Variants in CSMD1 observed in about 807,000 individuals in gnomAD.
The protein encoded by CSMD1 is CUB and sushi domain-containing protein 1.
A neutral mutation model predicts 417.5 loss-of-function variants in CSMD1; 213 were observed. The observed-to-expected ratio is 0.51, with a 90% confidence interval of 0.46 to 0.57. CSMD1 has a LOEUF of 0.57. CSMD1 is among the 20% of genes least tolerant of loss of function. The probability of loss-of-function intolerance (pLI) is 0.00; values close to 1 mark genes in which losing one functional copy is unlikely to be tolerated. For synonymous variants in CSMD1, 2,862 were observed against 1,736.8 expected (o/e 1.65, Z -16.11); for missense variants, 6,923 against 4,529.7 (o/e 1.53, Z -15.17).
At chr8:3,983,233 C>G (rs1206622090) in intron 5 of CSMD1, among the ~76,000 whole-genome samples, 4 of 151,656 alleles carry the variant, frequency 2.6e-5, no homozygotes, top group African/African-American at 4.9e-5. Context: ...CGGGTTCACG[C>G]CATTCTCCTG....
chr8:3,666,539 G>C (rs2623619), intron 7 of CSMD1, among the ~76,000 whole-genome samples: 115,301 of 152,048 alleles, frequency 0.76, 44,291 homozygotes, highest in African/African-American at 0.86. Flanking sequence ...TTTGAAAGCT[G>C]CCTGATATGG....
chr8:4,511,827 T>C (rs926975252), intron 2 of CSMD1, among the ~76,000 whole-genome samples: 1 of 152,180 alleles, frequency 6.6e-6, no homozygotes, highest in Non-Finnish European at 1.5e-5. Context: ...TTTTACTTCC[T>C]GGAGCTTCAC....
At chr8:4,048,425 A>G (rs1798259709) in intron 3 of CSMD1, among the ~76,000 whole-genome samples, 1 of 152,208 alleles carries the variant, frequency 6.6e-6, no homozygotes, top group African/African-American at 2.4e-5. Context: ...CAATTTATGA[A>G]CATGAACTCT....
chr8:4,694,362 A>G (rs955331999), intron 1 of CSMD1, among the ~76,000 whole-genome samples: 2 of 151,266 alleles, frequency 1.3e-5, no homozygotes, highest in Non-Finnish European at 2.9e-5. Context: ...TATTTTTTTT[A>G]TTTTTTTGAG....
rs73503849 is a variant in CSMD1, at chr8:4,864,279, A to G, written c.85+130053T>C. On this transcript the variant is annotated intron_variant, in intron 1 of 69. Coordinates refer to ENST00000635120, the MANE Select transcript of CSMD1 (RefSeq NM_033225.6). ...GAGAAATACATACCTACACACACAA[A>G]GACACACACACACAAATTTAGAACT... 4.1e-3 allele frequency among the ~76,000 whole-genome samples: 617 copies of G among 152,072 alleles called. 6 individuals carry two copies. The highest frequency in any genetic ancestry group is 0.014 in the African/African-American group (596 of 41,462).
intron 1 of CSMD1, among the ~76,000 whole-genome samples, chr8:4,816,427 C>G (rs988030124): frequency 6.6e-6 from 1 of 151,946 alleles, no homozygotes; most frequent in African/African-American, 2.4e-5. Flanking sequence ...GGCGGTTCAC[C>G]ATGTTGGCCA....
At chr8:3,873,251 G>A (rs1805601908) in intron 5 of CSMD1, among the ~76,000 whole-genome samples, 2 of 151,948 alleles carry the variant, frequency 1.3e-5, no homozygotes, top group South Asian at 2.1e-4. Flanking sequence ...GACACATGCA[G>A]GTGTATGTTC....
chr8:3,278,113 G>T (rs1418314821), intron 26 of CSMD1, among the ~76,000 whole-genome samples: 2 of 152,112 alleles, frequency 1.3e-5, no homozygotes, highest in African/African-American at 4.8e-5. Flanking sequence ...CAGCCAAAGA[G>T]CCAATGATAG....
intron 5 of CSMD1, among the ~76,000 whole-genome samples, chr8:3,867,938 A>G (rs1216207159): frequency 6.6e-6 from 1 of 151,982 alleles, no homozygotes; most frequent in Non-Finnish European, 1.5e-5. Flanking sequence ...CCTTACAGCC[A>G]ATCTTTGTAT....
chr8:4,761,894 C>CTACCTATCTATCAATCTAT (rs1563319426), intron 1 of CSMD1, among the ~76,000 whole-genome samples: 1 of 83,746 alleles, frequency 1.2e-5, no homozygotes, highest in Non-Finnish European at 2.5e-5. Flanking sequence ...TATCTACCTA[C>CTACCTATCTATCAATCTAT]CTATCTATCT....
chr8:3,803,964 G>T (rs901082621), intron 5 of CSMD1, among the ~76,000 whole-genome samples: 5 of 152,058 alleles, frequency 3.3e-5, no homozygotes, highest in Non-Finnish European at 7.3e-5. Flanking sequence ...GTCTTGCTCT[G>T]TCGCCCAGGC....
intron 3 of CSMD1, among the ~76,000 whole-genome samples, chr8:4,244,074 G>A (rs970979744): frequency 6.6e-6 from 1 of 152,208 alleles, no homozygotes; most frequent in Admixed American, 6.5e-5. Flanking sequence ...TAGTCCTGTT[G>A]TGGACAGCTC....
At chr8:3,275,091 G>A (rs938762526) in intron 26 of CSMD1, among the ~76,000 whole-genome samples, 4 of 152,164 alleles carry the variant, frequency 2.6e-5, no homozygotes, top group Admixed American at 1.3e-4. Context: ...CATGTTTAGC[G>A]CTTCCTTCAG....
intron 23 of CSMD1, among the ~76,000 whole-genome samples, chr8:3,329,005 G>C (rs529397267): frequency 6.6e-6 from 1 of 152,238 alleles, no homozygotes; most frequent in Admixed American, 6.5e-5. Flanking sequence ...GAAAGCATCA[G>C]GAAGAACCTA....
intron 5 of CSMD1, among the ~76,000 whole-genome samples, chr8:3,778,022 G>A (rs1323799114): frequency 6.6e-6 from 1 of 152,346 alleles, no homozygotes; most frequent in Non-Finnish European, 1.5e-5. Flanking sequence ...AAGAAACTCT[G>A]GCTGTCTGGC....
chr8:4,772,387 G>A (rs183500971), intron 1 of CSMD1, among the ~76,000 whole-genome samples: 195 of 152,258 alleles, frequency 1.3e-3, no homozygotes, highest in African/African-American at 4.6e-3. Context: ...GGACTTGAGT[G>A]GTTAGGTTGG....
intron 1 of CSMD1, among the ~76,000 whole-genome samples, chr8:4,742,055 G>A (rs990659565): frequency 1.1e-5 from 1 of 91,194 alleles, no homozygotes; most frequent in Non-Finnish European, 2.0e-5. Flanking sequence ...TTTTGAGACG[G>A]AGTCTCTCTC....
At chr8:4,187,146 T>C (rs1219781178) in intron 3 of CSMD1, among the ~76,000 whole-genome samples, 1 of 5,044 alleles carries the variant, frequency 2.0e-4, no homozygotes, top group East Asian at 0.17. Flanking sequence ...AACATATTGA[T>C]TTACTGCTTG....
intron 23 of CSMD1, among the ~76,000 whole-genome samples, chr8:3,321,029 T>G (rs1025632833): frequency 7.2e-5 from 11 of 152,166 alleles, no homozygotes; most frequent in African/African-American, 2.4e-4. Flanking sequence ...GCTTTTGTAT[T>G]TCCCAGTTCA....
Sources: allele counts gnomAD v4.1 joint callset (sites outside exome capture counted in the v4.1 genomes callset), GRCh38; gene constraint gnomAD v4.1.1; transcripts MANE v1.5; gene names NCBI Gene and HGNC (gene_info 2026-07-23, HGNC 2026-07-21).